The following RBM48 variants were observed in gnomAD, a reference collection of about 807,000 sequenced individuals.
The protein encoded by RBM48 is RNA binding motif protein 48.
Under a neutral mutation model 34.8 loss-of-function variants are expected in RBM48, and 32 were observed. The observed-to-expected ratio is 0.92, with a 90% CI of 0.69 to 1.23. RBM48 has a LOEUF of 1.23. Ranked by LOEUF, RBM48 falls within the 50% of genes most tolerant of loss-of-function variation. The pLI is 0.00. For synonymous variants in RBM48, 151 were observed against 156.2 expected (o/e 0.97, Z 0.25); for missense variants, 441 against 447.2 (o/e 0.99, Z 0.12).
chr7:92,535,171 T>G (rs1585278576), intron 4 of RBM48: 1 of 1,424,634 alleles, frequency 7.0e-7, no homozygotes, highest in Admixed American at 3.0e-5. Context: ...CTTTAAACAA[T>G]GAACAGACAT....
Position 92,533,617 on chromosome 7 carries a change from G to A in RBM48, c.449-785G>A, listed in dbSNP as rs572221210. On this transcript the variant is annotated intron_variant, in intron 3 of 4. Transcript: ENST00000265732. ...GTTTGGCCTTGGACACTTTAGTTAA[G>A]CTCTCTTTCATCTGCAGCATTCTAG... Among the ~76,000 whole-genome samples, 6 of 152,246 alleles carry A rather than the reference G, an allele frequency of 3.9e-5. No homozygotes were observed. The East Asian group carries it at 1.2e-3, about 29-fold the overall frequency.
chr7:92,529,015 A>G, intron 1 of RBM48, 91 bp downstream of exon 1: 2 of 934,906 alleles, frequency 2.1e-6, no homozygotes, highest in Non-Finnish European at 3.4e-6. Flanking sequence ...AAGGCACGAC[A>G]AGGCTTCCGT....
At position 92,538,771 on chromosome 7, in the gene RBM48, G is replaced by A. The variant is rs751438466; in HGVS notation, c.*1834G>A. ...TGGGGAGGGAAAATGAGGAGTTACG[G>A]TTTAATGGGCATAGAATTTCAGTTT... On this transcript the variant is annotated 3_prime_UTR_variant, in exon 5 of 5. Transcript: ENST00000265732. Among the ~76,000 whole-genome samples the A allele has an allele frequency of 1.3e-5, 2 of 152,100 alleles. No homozygotes were observed. Among genetic ancestry groups the A allele is most frequent in the Non-Finnish European group, 2.9e-5 (2 of 68,028 alleles).
Position 92,539,067 on chromosome 7 carries a change from T to A in RBM48, c.*2130T>A, listed in dbSNP as rs2116338123. On this transcript the variant is annotated 3_prime_UTR_variant, in exon 5 of 5. Transcript: ENST00000265732. ...CCTGAGATTCTGCATTTTTCCCAAG[T>A]CCCTAGGTGCTGCCAGTGCTGCTGG... Among the ~76,000 whole-genome samples, 1 of 152,262 alleles carries A rather than the reference T, an allele frequency of 6.6e-6. No homozygotes were observed. The highest frequency in any genetic ancestry group is 2.1e-4 in the South Asian group (1 of 4,824).
At chr7:92,529,398 C>A in intron 1 of RBM48, 78 bp from the exon 2 acceptor site, 1 of 844,012 alleles carries the variant, frequency 1.2e-6, no homozygotes, top group Non-Finnish European at 1.9e-6. Context: ...TTTCAAAGTT[C>A]TCTTTAAAAA....
At chr7:92,529,393 A>T in intron 1 of RBM48, 83 bp from the exon 2 acceptor site, 1 of 811,082 alleles carries the variant, frequency 1.2e-6, no homozygotes. Flanking sequence ...CTTGTTTTCA[A>T]AGTTCTCTTT....
At chr7:92,535,376 A>G (rs1475859940) in intron 4 of RBM48, 2 of 1,069,542 alleles carry the variant, frequency 1.9e-6, no homozygotes, top group Non-Finnish European at 1.1e-6. Context: ...TATCAAATTC[A>G]AAATGCTTAA....
At chr7:92,536,760 C>G in intron 4 of RBM48, 91 bp from the exon 5 acceptor site, 1 of 1,432,512 alleles carries the variant, frequency 7.0e-7, no homozygotes, top group Non-Finnish European at 9.1e-7. Context: ...AAGGATTGAA[C>G]TATTGGATGT....
At chr7:92,535,257 G>A in intron 4 of RBM48, 1 of 1,286,302 alleles carries the variant, frequency 7.8e-7, no homozygotes. Context: ...GTGGAGCCCA[G>A]GCCTGCCATT....
At chr7:92,533,446 A>C in intron 3 of RBM48, among the ~76,000 whole-genome samples, 1 of 152,230 alleles carries the variant, frequency 6.6e-6, no homozygotes, top group Non-Finnish European at 1.5e-5. Flanking sequence ...TTAAAACCCA[A>C]GCTTTGGACT....
rs750972381 is a variant in RBM48 at position 92,529,635 on chromosome 7, C to T, written c.271C>T (p.Leu91Phe). 1 of 1,600,828 alleles carries T rather than the reference C, an allele frequency of 6.2e-7. No homozygotes were observed. Among genetic ancestry groups the T allele is most frequent in the Non-Finnish European group, 8.5e-7 (1 of 1,172,750 alleles). Residue 91 changes from leucine (L) to phenylalanine (F), a missense_variant, in exon 2 of 5, where the codon CTT (leucine) becomes TTT (phenylalanine). Coordinates refer to ENST00000265732, the MANE Select transcript of RBM48 (RefSeq NM_032120.4). ...YPAEDFTEVY[L>F]IKFMNLQSAR... is the part of the protein sequence containing the mutation. ...AGCAGAAGACTTTACTGAAGTTTAT[C>T]TTATTAAATTTATGAACTTACAAAG... is the stretch of plus-strand genomic sequence containing the variant.
intron 1 of RBM48, 104 bp downstream of exon 1, chr7:92,529,028 G>C (rs1162411533): frequency 1.2e-5 from 10 of 844,692 alleles, no homozygotes; most frequent in Non-Finnish European, 2.0e-5. Context: ...GCTTCCGTCA[G>C]ATCTGTCTCT....
At position 92,539,996 on chromosome 7, in the gene RBM48, G is replaced by T. The variant is rs928155733; in HGVS notation, c.*3059G>T. On this transcript the variant is annotated 3_prime_UTR_variant, in exon 5 of 5. Transcript: ENST00000265732. ...AAGCAAGCCAATATACCCTGGATTT[G>T]GTTTGGGAAATACACCATACTTACA... is the stretch of plus-strand genomic sequence containing the variant. Among the ~76,000 whole-genome samples, 3 of 152,286 alleles carry T rather than the reference G, an allele frequency of 2.0e-5. No individual in the cohort carries two copies. Among genetic ancestry groups the T allele is most frequent in the South Asian group, 2.1e-4 (1 of 4,818 alleles).
rs1029962339 is a variant in RBM48 at position 92,537,531 on chromosome 7, A to G, written c.*594A>G. 2 of 152,256 alleles carry G rather than the reference A, an allele frequency of 1.3e-5. No homozygotes were observed. The highest frequency in any genetic ancestry group is 2.4e-5 in the African/African-American group (1 of 41,470). 9.4% of individuals were successfully genotyped at this position (152,256 alleles called of 1,614,324 possible). A position where few individuals can be genotyped will look rare whatever the true frequency, so the allele number is the denominator to read the frequency against. ...GCCAGCGTCTGTTTCCAATTATAAT[A>G]CAAGTATTGAATGAACCATTGAAAC... On this transcript the variant is annotated 3_prime_UTR_variant, in exon 5 of 5. Coordinates refer to ENST00000265732, the MANE Select transcript of RBM48 (RefSeq NM_032120.4).
At position 92,529,477 on chromosome 7, in the gene RBM48, T is replaced by C; in HGVS notation, c.113T>C (p.Val38Ala). The change falls in exon 2 of 5, where the codon GTA becomes GCA. Residue 38 changes from valine (V) to alanine (A), a missense_variant and splice_region_variant. Val to Ala is a moderately conservative substitution (Grantham distance 64). Transcript: ENST00000265732. ...REGRRPRAVKVYTINLESQYL... is the reference protein window; with the variant it reads ...REGRRPRAVKAYTINLESQYL... ...TTAATAACTCTGCATTTCTTTCAGG[T>C]ATATACAATCAATTTGGAATCTCAG... The C allele has an allele frequency of 6.3e-7, 1 of 1,578,970 alleles. No individual in the cohort carries two copies. The highest frequency in any genetic ancestry group is 1.7e-4 in the Middle Eastern group (1 of 5,964).
intron 3 of RBM48, among the ~76,000 whole-genome samples, 195 bp downstream of exon 3, chr7:92,532,744 T>G (rs1793607791): frequency 6.6e-6 from 1 of 152,200 alleles, no homozygotes; most frequent in Non-Finnish European, 1.5e-5. Context: ...CATAGAAGAC[T>G]TCCTATAGTA....
intron 3 of RBM48, among the ~76,000 whole-genome samples, chr7:92,533,452 G>A (rs949936868): frequency 6.6e-6 from 1 of 152,108 alleles, no homozygotes; most frequent in Non-Finnish European, 1.5e-5. Context: ...CCCAAGCTTT[G>A]GACTCTGTCC....
Position 92,538,752 on chromosome 7 carries a change from G to A in RBM48, c.*1815G>A, listed in dbSNP as rs1204937792. 6.6e-6 allele frequency among the ~76,000 whole-genome samples: 1 copy of A among 152,128 alleles called. No individual in the cohort carries two copies. Among genetic ancestry groups the A allele is most frequent in the Non-Finnish European group, 1.5e-5 (1 of 68,026 alleles). ...TGGTGGTGGCCAGGGGCTGTGGGGA[G>A]GGAAAATGAGGAGTTACGGTTTAAT... On this transcript the variant is annotated 3_prime_UTR_variant, in exon 5 of 5. Coordinates refer to ENST00000265732, the MANE Select transcript of RBM48 (RefSeq NM_032120.4).
rs1273502929 is a variant in RBM48 at position 92,538,463 on chromosome 7, CCT to C, written c.*1532_*1533del. Among the ~76,000 whole-genome samples the C allele has an allele frequency of 1.3e-5, 2 of 152,132 alleles. No homozygotes were observed. Among genetic ancestry groups the C allele is most frequent in the Non-Finnish European group, 2.9e-5 (2 of 68,026 alleles). ...AGATGGGAGACAGGAAGAGAAATGG[CCT>C]CTCTCCTCACACTGATCCAAATTAA... is the stretch of plus-strand genomic sequence containing the variant. On this transcript the variant is annotated 3_prime_UTR_variant, in exon 5 of 5. Coordinates refer to ENST00000265732, the MANE Select transcript of RBM48 (RefSeq NM_032120.4).
Sources: gnomAD v4.1 joint callset for allele counts (sites outside exome capture counted in the v4.1 genomes callset) on GRCh38, gnomAD v4.1.1 for gene constraint, MANE v1.5 for transcripts, NCBI Gene and HGNC (gene_info 2026-07-23, HGNC 2026-07-21) for gene names.